Variants in CCSER1 observed in about 807,000 individuals in gnomAD.
The protein encoded by CCSER1 is serine-rich coiled-coil domain-containing protein 1.
Under a neutral mutation model 82.0 loss-of-function variants are expected in CCSER1, and 41 were observed. The ratio of observed to expected loss-of-function variants is 0.50; its 90% CI spans 0.39 to 0.65. The LOEUF is 0.65. Ranked by LOEUF, CCSER1 falls within the 30% of genes least tolerant of loss-of-function variation. CCSER1 has a pLI of 0.00. For synonymous variants in CCSER1, 414 were observed against 383.9 expected (o/e 1.08, Z -0.92); for missense variants, 1,119 against 1,064.2 (o/e 1.05, Z -0.72).
chr4:90,879,549 A>AGTGGAGGAGGAGGAGGAGGAG, intron 8 of CCSER1, among the ~76,000 whole-genome samples: 2 of 4,702 alleles, frequency 4.3e-4, no homozygotes. Context: ...AGAAAGAAGA[A>AGTGGAGGAGGAGGAGGAGGAG]GAAGAGGAAG....
At chr4:90,819,803 G>A (rs929447172) in intron 8 of CCSER1, among the ~76,000 whole-genome samples, 1 of 152,190 alleles carries the variant, frequency 6.6e-6, no homozygotes, top group South Asian at 2.1e-4. Context: ...TACTTACCTT[G>A]GTGAGATTTA....
intron 10 of CCSER1, among the ~76,000 whole-genome samples, chr4:91,185,541 G>A (rs912884220): frequency 5.9e-5 from 9 of 152,172 alleles, no homozygotes; most frequent in East Asian, 1.9e-4. Flanking sequence ...CGGCTGTGGC[G>A]GGAGACAGAC....
At chr4:90,961,560 T>C (rs1444536978) in intron 9 of CCSER1, among the ~76,000 whole-genome samples, 3 of 152,138 alleles carry the variant, frequency 2.0e-5, no homozygotes, top group Admixed American at 6.6e-5. Flanking sequence ...AATGTTAATA[T>C]AAAGTTTCAT....
chr4:90,408,097 G>C (rs562200149), intron 4 of CCSER1, among the ~76,000 whole-genome samples: 1 of 152,214 alleles, frequency 6.6e-6, no homozygotes, highest in African/African-American at 2.4e-5. Context: ...AGGGGCACCC[G>C]CCATTGCCCA....
intron 9 of CCSER1, among the ~76,000 whole-genome samples, chr4:90,984,267 A>T (rs1221977296): frequency 6.6e-6 from 1 of 151,774 alleles, no homozygotes; most frequent in African/African-American, 2.4e-5. Context: ...ATATAATCTA[A>T]CTTTATCCTC....
At chr4:90,172,560 AAGTAT>A (rs1731907730) in intron 1 of CCSER1, among the ~76,000 whole-genome samples, 1 of 151,854 alleles carries the variant, frequency 6.6e-6, no homozygotes, top group Admixed American at 6.6e-5. Flanking sequence ...ACCATATCAG[AAGTAT>A]AGTATAATTA....
intron 1 of CCSER1, among the ~76,000 whole-genome samples, chr4:90,169,289 G>T (rs1396493572): frequency 6.6e-6 from 1 of 152,144 alleles, no homozygotes; most frequent in Admixed American, 6.6e-5. Flanking sequence ...TCTGTTATTG[G>T]TGTATAGGAA....
chr4:90,587,471 A>G (rs10025673), intron 5 of CCSER1, among the ~76,000 whole-genome samples: 65,096 of 152,006 alleles, frequency 0.43, 16,519 homozygotes, highest in African/African-American at 0.71. Flanking sequence ...TTAGCCAGGC[A>G]TGGTGGCAGG....
chr4:91,458,888 C>T (rs1756346913), intron 10 of CCSER1, among the ~76,000 whole-genome samples: 1 of 152,092 alleles, frequency 6.6e-6, no homozygotes, highest in African/African-American at 2.4e-5. Flanking sequence ...ATTTTTCTCA[C>T]AGTGATAGTG....
intron 10 of CCSER1, among the ~76,000 whole-genome samples, chr4:91,134,574 G>A (rs1412460617): frequency 6.6e-6 from 1 of 152,060 alleles, no homozygotes; most frequent in Non-Finnish European, 1.5e-5. Context: ...GATACAAAGA[G>A]ACAAATATTA....
intron 9 of CCSER1, among the ~76,000 whole-genome samples, chr4:90,945,911 T>C (rs2150341081): frequency 6.6e-6 from 1 of 152,304 alleles, no homozygotes; most frequent in East Asian, 1.9e-4. Flanking sequence ...AAGTAATTAC[T>C]CTATATGATT....
At chr4:90,744,280 G>A (rs1747039036) in intron 7 of CCSER1, among the ~76,000 whole-genome samples, 1 of 152,130 alleles carries the variant, frequency 6.6e-6, no homozygotes. Flanking sequence ...CCTGTATGAT[G>A]AGGAAAAACT....
intron 4 of CCSER1, among the ~76,000 whole-genome samples, chr4:90,449,121 C>G (rs1431507228): frequency 1.3e-5 from 2 of 152,158 alleles, no homozygotes; most frequent in Non-Finnish European, 2.9e-5. Flanking sequence ...GACATCTGCT[C>G]AGCTCTCAGC....
intron 10 of CCSER1, among the ~76,000 whole-genome samples, chr4:91,443,649 TATA>T (rs1197253686): frequency 6.7e-6 from 1 of 149,678 alleles, no homozygotes. Context: ...AAACTTAAAG[TATA>T]ATAATAATAA....
At chr4:91,519,372 T>A (rs1484234457) in intron 10 of CCSER1, among the ~76,000 whole-genome samples, 1 of 152,226 alleles carries the variant, frequency 6.6e-6, no homozygotes, top group East Asian at 1.9e-4. Flanking sequence ...GAGCTGCTAC[T>A]GTCCTGAGAG....
intron 7 of CCSER1, among the ~76,000 whole-genome samples, chr4:90,726,666 A>G (rs1743698066): frequency 6.6e-6 from 1 of 152,078 alleles, no homozygotes; most frequent in African/African-American, 2.4e-5. Flanking sequence ...TCACTTCTCT[A>G]TTCCCCCACA....
At position 90,692,581 on chromosome 4, in the gene CCSER1, A is replaced by G. The variant is rs546754498; in HGVS notation, c.1933-31333A>G. On this transcript the variant is annotated intron_variant, in intron 6 of 10. Coordinates refer to ENST00000509176, the MANE Select transcript of CCSER1 (RefSeq NM_001145065.2). The stretch of plus-strand genomic sequence containing the variant: ...TCAAGCTACAGTACTAGCATTCAAT[A>G]AGATGTTGGTTAAATACAGTACCTT... Among the ~76,000 whole-genome samples the G allele has an allele frequency of 2.0e-5, 3 of 152,084 alleles. No homozygotes were observed. The South Asian group carries it at 6.2e-4, about 32-fold the overall frequency.
chr4:90,297,927 TTCA>T (rs1383727948), intron 1 of CCSER1, among the ~76,000 whole-genome samples: 1 of 152,138 alleles, frequency 6.6e-6, no homozygotes, highest in Non-Finnish European at 1.5e-5. Context: ...TGTATCAATG[TTCA>T]TCAAGGATAT....
intron 1 of CCSER1, among the ~76,000 whole-genome samples, chr4:90,283,108 G>A (rs1018435651): frequency 1.3e-5 from 2 of 151,806 alleles, no homozygotes; most frequent in East Asian, 1.9e-4. Context: ...GAGGGGGACC[G>A]TTATCTAGTG....
Sources: allele counts gnomAD v4.1 joint callset (sites outside exome capture counted in the v4.1 genomes callset), GRCh38; gene constraint gnomAD v4.1.1; transcripts MANE v1.5; gene names NCBI Gene and HGNC (gene_info 2026-07-23, HGNC 2026-07-21).